Variants in DLGAP2 observed in about 807,000 individuals in gnomAD.
DLGAP2 encodes the protein DLG associated protein 2.
DLGAP2 carries 26 observed loss-of-function variants against 100.3 expected under a neutral mutation model. The ratio of observed to expected loss-of-function variants is 0.26; its 90% CI spans 0.19 to 0.36. The LOEUF (loss-of-function observed/expected upper bound fraction) is 0.36. Ranked by LOEUF, DLGAP2 falls within the 10% of genes least tolerant of loss-of-function variation. The probability of loss-of-function intolerance (pLI) is 1.00; values close to 1 mark genes in which losing one functional copy is unlikely to be tolerated. For missense variants in DLGAP2, 1,858 were observed against 1,453.2 expected, an observed-to-expected ratio of 1.28 and a Z score of -4.53; for synonymous variants, 886 against 630.1, an observed-to-expected ratio of 1.41 and a Z score of -6.08.
chr8:1,511,926 C>G (rs1326572167), intron 4 of DLGAP2, among the ~76,000 whole-genome samples: 1 of 152,228 alleles, frequency 6.6e-6, no homozygotes, highest in African/African-American at 2.4e-5. Context: ...CAGAGCCTGA[C>G]AAAAAGCGTG....
chr8:811,612 G>T (rs1201507754), intron 1 of DLGAP2, among the ~76,000 whole-genome samples: 2 of 137,620 alleles, frequency 1.5e-5, no homozygotes, highest in Non-Finnish European at 3.1e-5. Context: ...ACCAGCTTTC[G>T]GATGAAGCTC....
chr8:906,061 G>A (rs1255057408), intron 1 of DLGAP2, among the ~76,000 whole-genome samples: 1 of 152,240 alleles, frequency 6.6e-6, no homozygotes. Flanking sequence ...GGGATGCCGG[G>A]GCAGGGCCCC....
At chr8:808,030 G>T (rs944664706) in intron 1 of DLGAP2, among the ~76,000 whole-genome samples, 1 of 152,190 alleles carries the variant, frequency 6.6e-6, no homozygotes, top group Non-Finnish European at 1.5e-5. Context: ...AAGATCTATG[G>T]TGAAGTCCCG....
chr8:1,344,041 C>T (rs899656741), intron 3 of DLGAP2, among the ~76,000 whole-genome samples: 19 of 152,284 alleles, frequency 1.2e-4, no homozygotes, highest in Admixed American at 1.3e-4. Context: ...ACAGAATAAA[C>T]AGGTCCTGTC....
chr8:1,166,248 T>C (rs1346096879), intron 2 of DLGAP2, among the ~76,000 whole-genome samples: 1 of 152,216 alleles, frequency 6.6e-6, no homozygotes, highest in African/African-American at 2.4e-5. Flanking sequence ...GCTGCCTTCC[T>C]GAGTCATGGC....
At chr8:976,268 G>T (rs1358713320) in intron 2 of DLGAP2, among the ~76,000 whole-genome samples, 1 of 152,140 alleles carries the variant, frequency 6.6e-6, no homozygotes, top group Non-Finnish European at 1.5e-5. Flanking sequence ...AGACAGTGTT[G>T]TATTGGTCAA....
At chr8:1,632,760 G>C in intron 7 of DLGAP2, 67 bp from the exon 8 acceptor site, 2 of 1,496,260 alleles carry the variant, frequency 1.3e-6, no homozygotes, top group Non-Finnish European at 1.8e-6. Context: ...GCGCTCTCCT[G>C]GCTTTTCTGT....
At chr8:1,569,806 G>A (rs930343880) in intron 6 of DLGAP2, among the ~76,000 whole-genome samples, 1 of 152,162 alleles carries the variant, frequency 6.6e-6, no homozygotes, top group South Asian at 2.1e-4. Context: ...TCTGTGGAGG[G>A]CAGGGTAGAT....
At chr8:1,600,475 T>C (rs1213860877) in intron 6 of DLGAP2, among the ~76,000 whole-genome samples, 5 of 152,208 alleles carry the variant, frequency 3.3e-5, no homozygotes, top group African/African-American at 1.2e-4. Context: ...GTTTTCCAGC[T>C]TGGTTCCATT....
At chr8:1,253,019 C>T (rs1246684902) in intron 2 of DLGAP2, among the ~76,000 whole-genome samples, 3 of 152,198 alleles carry the variant, frequency 2.0e-5, no homozygotes, top group Admixed American at 1.3e-4. Context: ...CCAGCACCAG[C>T]CCTCATCCCG....
intron 12 of DLGAP2, 99 bp downstream of exon 12, chr8:1,678,728 T>A: frequency 7.7e-7 from 1 of 1,292,108 alleles, no homozygotes; most frequent in Non-Finnish European, 1.0e-6. Context: ...CTCCCTTTGG[T>A]ATTCAAGTGA....
intron 3 of DLGAP2, among the ~76,000 whole-genome samples, chr8:1,371,981 A>G (rs780234743): frequency 2.0e-5 from 3 of 152,238 alleles, no homozygotes; most frequent in Non-Finnish European, 4.4e-5. Context: ...TTATGAACAT[A>G]GACTTGGCAT....
intron 1 of DLGAP2, among the ~76,000 whole-genome samples, chr8:747,111 G>A (rs1190732791): frequency 2.0e-5 from 3 of 151,922 alleles, no homozygotes; most frequent in African/African-American, 7.3e-5. Flanking sequence ...TGGGGAGAGC[G>A]ACACTGGAAA....
At chr8:1,379,602 C>T (rs1315353133) in intron 3 of DLGAP2, 1 of 152,206 alleles carries the variant, frequency 6.6e-6, no homozygotes, top group Non-Finnish European at 1.5e-5. Flanking sequence ...TAACCAGGTC[C>T]CTGGAAGTCT....
At chr8:997,450 GACA>G (rs1172037247) in intron 2 of DLGAP2, among the ~76,000 whole-genome samples, 2 of 152,098 alleles carry the variant, frequency 1.3e-5, no homozygotes, top group African/African-American at 4.8e-5. Flanking sequence ...CTACAGAGAA[GACA>G]ACAACTGATC....
chr8:758,972 C>G (rs1266237570), intron 1 of DLGAP2, among the ~76,000 whole-genome samples: 42 of 148,776 alleles, frequency 2.8e-4, no homozygotes, highest in African/African-American at 9.2e-4. Flanking sequence ...CAATAACCCC[C>G]ACAACCTTCC....
chr8:1,171,408 G>A lies in DLGAP2; in HGVS notation c.74-87443G>A, dbSNP rs547783164. 1.1e-3 allele frequency among the ~76,000 whole-genome samples: 160 copies of A among 152,226 alleles called. 1 individual carries two copies. Among genetic ancestry groups the A allele is most frequent in the Middle Eastern group, 6.8e-3 (2 of 294 alleles). On this transcript the variant is annotated intron_variant, in intron 2 of 14. Transcript: ENST00000637795. ...TAGATGTCTATTAGGTCCGCTTGGC[G>A]CAGAGCTGAGTTCAGTTCCTGGGTA...
chr8:1,079,117 T>G (rs1259695811), intron 2 of DLGAP2, among the ~76,000 whole-genome samples: 1 of 152,220 alleles, frequency 6.6e-6, no homozygotes, highest in Non-Finnish European at 1.5e-5. Context: ...TGATGGTGTC[T>G]TCTTGATTTA....
At chr8:1,208,163 C>A (rs1798033091) in intron 2 of DLGAP2, among the ~76,000 whole-genome samples, 1 of 152,154 alleles carries the variant, frequency 6.6e-6, no homozygotes, top group African/African-American at 2.4e-5. Flanking sequence ...AGGGTTTTTC[C>A]AATGCCATCT....
Sources: gnomAD v4.1 joint callset for allele counts (sites outside exome capture counted in the v4.1 genomes callset) on GRCh38, gnomAD v4.1.1 for gene constraint, MANE v1.5 for transcripts, NCBI Gene and HGNC (gene_info 2026-07-23, HGNC 2026-07-21) for gene names.